Variants in XYLT1 observed in about 807,000 individuals in gnomAD.
XYLT1 encodes beta-D-xylosyltransferase 1.
In XYLT1, 36 loss-of-function variants were observed where a neutral mutation model predicts 91.3. The ratio of observed to expected loss-of-function variants is 0.39; its 90% CI spans 0.30 to 0.52. The LOEUF is 0.52. Ranked by LOEUF, XYLT1 falls within the 20% of genes least tolerant of loss-of-function variation. XYLT1 has a pLI of 0.68. For missense variants in XYLT1, 1,242 were observed against 1,284.5 expected, an observed-to-expected ratio of 0.97 and a Z score of 0.51; for synonymous variants, 588 against 532.0, an observed-to-expected ratio of 1.11 and a Z score of -1.45.
chr16:17,334,820 T>A (rs560225783), intron 2 of XYLT1, among the ~76,000 whole-genome samples: 1 of 151,720 alleles, frequency 6.6e-6, no homozygotes, highest in Non-Finnish European at 1.5e-5. Flanking sequence ...GAGGCGGAGC[T>A]TGCAGTGAGC....
At chr16:17,240,470 G>A (rs947928292) in intron 3 of XYLT1, among the ~76,000 whole-genome samples, 7 of 152,130 alleles carry the variant, frequency 4.6e-5, no homozygotes, top group Non-Finnish European at 8.8e-5. Context: ...GGTATGAGAC[G>A]CAGATGTGAG....
intron 2 of XYLT1, among the ~76,000 whole-genome samples, chr16:17,266,879 AGT>A (rs1333969261): frequency 6.6e-6 from 1 of 152,218 alleles, no homozygotes; most frequent in Non-Finnish European, 1.5e-5. Flanking sequence ...GTGGAAGCAC[AGT>A]GTGTGTGGCT....
intron 1 of XYLT1, 118 bp from the exon 2 acceptor site, chr16:17,358,168 T>G: frequency 1.9e-6 from 2 of 1,060,936 alleles, no homozygotes; most frequent in Non-Finnish European, 2.7e-6. Context: ...CTCGCTTTGT[T>G]GCCCAGGCTG....
At chr16:17,153,012 GAGAGTTATTGAACATA>G (rs571785031) in intron 6 of XYLT1, among the ~76,000 whole-genome samples, 78 of 152,182 alleles carry the variant, frequency 5.1e-4, no homozygotes, top group African/African-American at 1.6e-3. Flanking sequence ...CAGTGGACAT[GAGAGTTATTGAACATA>G]AGAGTTATTG....
chr16:17,177,209 T>C (rs1482714144), intron 5 of XYLT1, among the ~76,000 whole-genome samples: 4 of 152,150 alleles, frequency 2.6e-5, no homozygotes, highest in Admixed American at 1.3e-4. Context: ...AGGAAACCAC[T>C]GGGCAGAGGG....
chr16:17,342,091 G>A (rs115864993), intron 2 of XYLT1, among the ~76,000 whole-genome samples: 3,878 of 152,232 alleles, frequency 0.025, 60 homozygotes, highest in South Asian at 0.058. Context: ...GTGAAGCAAG[G>A]ACCCTTCTAA....
At chr16:17,121,624 G>A (rs191021337) in intron 10 of XYLT1, among the ~76,000 whole-genome samples, 1 of 152,248 alleles carries the variant, frequency 6.6e-6, no homozygotes, top group East Asian at 1.9e-4. Flanking sequence ...GGAACAGGTG[G>A]TGTTTGCTTA....
intron 1 of XYLT1, among the ~76,000 whole-genome samples, chr16:17,412,176 G>A (rs1406601783): frequency 1.3e-5 from 2 of 152,018 alleles, no homozygotes; most frequent in African/African-American, 2.4e-5. Context: ...CCCCAAAAAC[G>A]CTCCGCACAG....
chr16:17,407,088 G>A (rs926916050), intron 1 of XYLT1, among the ~76,000 whole-genome samples: 2 of 152,086 alleles, frequency 1.3e-5, no homozygotes, highest in African/African-American at 4.8e-5. Flanking sequence ...TGCAACCTCT[G>A]CCTCCGGAGT....
intron 3 of XYLT1, among the ~76,000 whole-genome samples, chr16:17,234,557 A>G (rs868266836): frequency 6.6e-6 from 1 of 151,966 alleles, no homozygotes; most frequent in South Asian, 2.1e-4. Flanking sequence ...AAAAACAACA[A>G]CAAAAAACTA....
intron 2 of XYLT1, among the ~76,000 whole-genome samples, chr16:17,356,149 C>T (rs556107241): frequency 4.9e-4 from 75 of 152,180 alleles, no homozygotes; most frequent in African/African-American, 1.8e-3. Context: ...TGTCTTCAGA[C>T]GTTGCCAAAT....
intron 3 of XYLT1, among the ~76,000 whole-genome samples, chr16:17,219,075 A>C (rs2032912847): frequency 6.6e-6 from 1 of 152,082 alleles, no homozygotes; most frequent in South Asian, 2.1e-4. Flanking sequence ...TGAGGTCAAG[A>C]GTTCAAGACC....
chr16:17,458,782 C>T (rs745498357), intron 1 of XYLT1, among the ~76,000 whole-genome samples: 5 of 152,122 alleles, frequency 3.3e-5, no homozygotes, highest in Admixed American at 6.5e-5. Flanking sequence ...TACTTAAATG[C>T]CACTTTACCT....
intron 3 of XYLT1, among the ~76,000 whole-genome samples, chr16:17,247,247 G>C (rs549114715): frequency 6.6e-6 from 1 of 152,228 alleles, no homozygotes; most frequent in East Asian, 1.9e-4. Flanking sequence ...GGGACCCTGG[G>C]TGGCAGACAC....
At chr16:17,185,652 G>A (rs893323409) in intron 5 of XYLT1, among the ~76,000 whole-genome samples, 1 of 152,152 alleles carries the variant, frequency 6.6e-6, no homozygotes, top group Non-Finnish European at 1.5e-5. Context: ...CTGGACCAGT[G>A]GATTTCAATT....
chr16:17,136,962 G>A (rs149955788), intron 8 of XYLT1, among the ~76,000 whole-genome samples: 1 of 152,146 alleles, frequency 6.6e-6, no homozygotes, highest in East Asian at 1.9e-4. Context: ...GGGCAGTGAG[G>A]GACGGGTCCT....
intron 5 of XYLT1, among the ~76,000 whole-genome samples, chr16:17,182,695 G>A (rs1430006985): frequency 1.6e-5 from 2 of 126,196 alleles, no homozygotes; most frequent in African/African-American, 5.8e-5. Flanking sequence ...TATGTGGGGG[G>A]TGGGGTGGGG....
At chr16:17,416,984 T>A (rs539105017) in intron 1 of XYLT1, among the ~76,000 whole-genome samples, 41 of 152,280 alleles carry the variant, frequency 2.7e-4, no homozygotes, top group African/African-American at 9.4e-4. Flanking sequence ...ATGGTTTAGA[T>A]CCATTTTGGA....
intron 5 of XYLT1, among the ~76,000 whole-genome samples, chr16:17,165,958 A>G (rs543754906): frequency 7.9e-5 from 12 of 152,344 alleles, no homozygotes; most frequent in African/African-American, 2.6e-4. Flanking sequence ...GACTCACATC[A>G]TTGCACAGAA....
Sources: allele counts gnomAD v4.1 joint callset (sites outside exome capture counted in the v4.1 genomes callset), GRCh38; gene constraint gnomAD v4.1.1; transcripts MANE v1.5; gene names NCBI Gene and HGNC (gene_info 2026-07-23, HGNC 2026-07-21).